ATP10B: variants seen among roughly 807,000 people sequenced by gnomAD.
ATP10B encodes the protein ATPase phospholipid transporting 10B (putative), also known as phospholipid-transporting ATPase VB.
A neutral mutation model predicts 141.2 loss-of-function variants in ATP10B; 122 were observed. The observed-to-expected ratio is 0.86, with a 90% CI of 0.75 to 1.00. ATP10B has a LOEUF of 1.00. Ranked by LOEUF, ATP10B falls within the 50% of genes least tolerant of loss-of-function variation. The pLI, the probability that ATP10B is intolerant of heterozygous loss-of-function variation, is 0.00. For synonymous variants in ATP10B, 685 were observed against 692.0 expected (o/e 0.99, Z 0.16); for missense variants, 1,876 against 1,825.3 (o/e 1.03, Z -0.51).
chr5:160,576,659 A>G lies in ATP10B; in HGVS notation c.3751-6976T>C, dbSNP rs750327346. 7.2e-5 allele frequency among the ~76,000 whole-genome samples: 11 copies of G among 152,342 alleles called. No individual in the cohort carries two copies. The East Asian group carries it at 1.9e-3, about 27-fold the overall frequency. On this transcript the variant is annotated intron_variant, in intron 24 of 25. Transcript: ENST00000327245. ...CCTCTTGGAGGAGACAACATTTGAGATGAGGCCTGAAGGATGAGAAGAGAG... is the reference window on the plus strand; with the variant it reads ...CCTCTTGGAGGAGACAACATTTGAGGTGAGGCCTGAAGGATGAGAAGAGAG...
intron 23 of ATP10B, among the ~76,000 whole-genome samples, chr5:160,590,525 A>C (rs1756218120): frequency 6.7e-6 from 1 of 150,346 alleles, no homozygotes; most frequent in African/African-American, 2.5e-5. Context: ...TCAAACTGAG[A>C]TTGGGCTGGT....
intron 2 of ATP10B, among the ~76,000 whole-genome samples, chr5:160,744,151 A>G (rs1214700928): frequency 6.6e-6 from 1 of 152,164 alleles, no homozygotes; most frequent in African/African-American, 2.4e-5. Flanking sequence ...TACGAATTAA[A>G]TACCTATGCC....
chr5:160,589,735 T>G, intron 23 of ATP10B, 39 bp from the exon 24 acceptor site: 14 of 1,506,464 alleles, frequency 9.3e-6, no homozygotes, highest in South Asian at 1.1e-5. Context: ...CAGGTATGTC[T>G]GTGGACTAAC....
At chr5:160,794,378 G>A (rs537605082) in intron 1 of ATP10B, among the ~76,000 whole-genome samples, 1 of 152,314 alleles carries the variant, frequency 6.6e-6, no homozygotes, top group South Asian at 2.1e-4. Context: ...GCGGAAGGTA[G>A]GCAATCCAGG....
chr5:160,674,285 G>A (rs1355497582), intron 6 of ATP10B, among the ~76,000 whole-genome samples: 1 of 152,176 alleles, frequency 6.6e-6, no homozygotes, highest in African/African-American at 2.4e-5. Context: ...CTCCCCCTTT[G>A]TAATAAAGGA....
chr5:160,585,965 A>C (rs976108441), intron 24 of ATP10B, among the ~76,000 whole-genome samples: 1 of 152,114 alleles, frequency 6.6e-6, no homozygotes, highest in Non-Finnish European at 1.5e-5. Context: ...AGGATTTTAA[A>C]AAATTTTTAT....
chr5:160,768,297 A>G (rs1240086726), intron 2 of ATP10B, among the ~76,000 whole-genome samples: 1 of 152,214 alleles, frequency 6.6e-6, no homozygotes, highest in Non-Finnish European at 1.5e-5. Context: ...ATTTTTTAAA[A>G]AAGAAACTAT....
chr5:160,871,309 A>C, the ATP10B span, among the ~76,000 whole-genome samples: 1 of 152,108 alleles, frequency 6.6e-6, no homozygotes, highest in Non-Finnish European at 1.5e-5. Context: ...AGGGAATTAG[A>C]ATAATTTTTA....
At chr5:160,652,798 TA>T (rs1321661178) in intron 7 of ATP10B, among the ~76,000 whole-genome samples, 2 of 96,284 alleles carry the variant, frequency 2.1e-5, no homozygotes, top group African/African-American at 9.4e-5. Flanking sequence ...AAATATATAA[TA>T]TATTATATAA....
rs1368408425 is a variant in ATP10B, at chr5:160,596,638, A to G, written c.3564+2132T>C. Among the ~76,000 whole-genome samples, 21 of 150,534 alleles carry G rather than the reference A, an allele frequency of 1.4e-4. No individual in the cohort carries two copies. The Admixed American group carries it at 1.4e-3, about 10-fold the overall frequency. The stretch of plus-strand genomic sequence containing the variant: ...GCAGATGACATGATTGTATATCTAG[A>G]AAACCCCATTGTCTCAGCCCAAAAT... On this transcript the variant is annotated intron_variant, in intron 22 of 25. Transcript: ENST00000327245.
intron 24 of ATP10B, among the ~76,000 whole-genome samples, chr5:160,578,307 T>C (rs1320184403): frequency 6.6e-6 from 1 of 152,184 alleles, no homozygotes; most frequent in African/African-American, 2.4e-5. Context: ...TCAAACCATC[T>C]ACATTAGGTA....
Position 160,644,169 on chromosome 5 carries a change from G to T in ATP10B, c.837C>A (p.Thr279=). The T allele has an allele frequency of 6.2e-7, 1 of 1,613,958 alleles. No individual in the cohort carries two copies. Among genetic ancestry groups the T allele is most frequent in the Non-Finnish European group, 8.5e-7 (1 of 1,179,908 alleles). ...AGATGACAATGCCAACAGCCATCTC[G>T]GTGTTTCTGATGGTGCAGCCTCGAA... The part of the protein sequence containing the change: ...LLLRGCTIRN[T]EMAVGIVIYA... The change falls in exon 9 of 26, where the codon ACC becomes ACA. Residue 279 remains threonine, a synonymous_variant. Coordinates refer to ENST00000327245, the MANE Select transcript of ATP10B (RefSeq NM_025153.3).
At chr5:160,830,316 C>G (rs1295988305) in intron 1 of ATP10B, among the ~76,000 whole-genome samples, 1 of 152,050 alleles carries the variant, frequency 6.6e-6, no homozygotes, top group Non-Finnish European at 1.5e-5. Context: ...CAAATGCACT[C>G]GAGCAATTCA....
intron 23 of ATP10B, 125 bp from the exon 24 acceptor site, chr5:160,589,821 C>G (rs754416604): frequency 1.4e-6 from 1 of 689,716 alleles, no homozygotes; most frequent in Non-Finnish European, 2.6e-6. Flanking sequence ...CAGCTGCCAT[C>G]TGTGTGGTAC....
In ATP10B at chr5:160,763,790, C is replaced by T. The variant is rs559845936; in HGVS notation, c.-331+21769G>A. Among the ~76,000 whole-genome samples the T allele has an allele frequency of 1.8e-4, 27 of 151,864 alleles. No individual in the cohort carries two copies. The South Asian group carries it at 5.4e-3, about 30-fold the overall frequency. ...AAAGCTGGTTCTTTCAAAAGATAAACGAAATCAATAGACCATTAGGGAATT... is the reference window on the plus strand; with the variant it reads ...AAAGCTGGTTCTTTCAAAAGATAAATGAAATCAATAGACCATTAGGGAATT... On this transcript the variant is annotated intron_variant, in intron 2 of 25. Transcript: ENST00000327245.
chr5:160,709,945 AT>A (rs1765281972), intron 3 of ATP10B, among the ~76,000 whole-genome samples: 1 of 97,848 alleles, frequency 1.0e-5, no homozygotes, highest in East Asian at 2.6e-4. Context: ...TGAACTCATC[AT>A]TTTTTATGGC....
rs1432703720 is a variant in ATP10B, at chr5:160,682,912, A to G, written c.470+3167T>C. On this transcript the variant is annotated intron_variant, in intron 6 of 25. Transcript: ENST00000327245. ...AAATTAGCCAGGCGTGATGGCGGGC[A>G]CCTGTAGTCCCAGCTACTCGGGAGG... Among the ~76,000 whole-genome samples, 6 of 151,522 alleles carry G rather than the reference A, an allele frequency of 4.0e-5. No individual in the cohort carries two copies. In the South Asian group the frequency reaches 8.4e-4, roughly 21 times the overall value.
At chr5:160,574,803 T>TTG (rs1338551558) in intron 24 of ATP10B, among the ~76,000 whole-genome samples, 2 of 146,578 alleles carry the variant, frequency 1.4e-5, no homozygotes, top group African/African-American at 5.3e-5. Flanking sequence ...GCATTCATCT[T>TTG]TTTTTTTTTT....
At chr5:160,798,699 G>A (rs995295837) in intron 1 of ATP10B, among the ~76,000 whole-genome samples, 1 of 150,908 alleles carries the variant, frequency 6.6e-6, no homozygotes, top group African/African-American at 2.4e-5. Flanking sequence ...TGTCATGGCA[G>A]CCCTAGGAAA....
Sources: gnomAD v4.1 joint callset for allele counts (sites outside exome capture counted in the v4.1 genomes callset) on GRCh38, gnomAD v4.1.1 for gene constraint, MANE v1.5 for transcripts, NCBI Gene and HGNC (gene_info 2026-07-23, HGNC 2026-07-21) for gene names.